RPS6KC1: variants seen among roughly 807,000 people sequenced by gnomAD.
RPS6KC1 encodes the protein inactive ribosomal protein S6 kinase delta-1.
Under a neutral mutation model 103.8 loss-of-function variants are expected in RPS6KC1, and 54 were observed. The observed-to-expected ratio is 0.52, with a 90% CI of 0.42 to 0.65. RPS6KC1 has a LOEUF of 0.65. Among genes scored for constraint, RPS6KC1 ranks in the 30% least tolerant of loss-of-function variants. The probability of loss-of-function intolerance (pLI) is 0.00; values close to 1 mark genes in which losing one functional copy is unlikely to be tolerated. For synonymous variants in RPS6KC1, 439 were observed against 438.7 expected, an observed-to-expected ratio of 1.00 and a Z score of -0.01; for missense variants, 1,151 against 1,253.8, an observed-to-expected ratio of 0.92 and a Z score of 1.24.
the RPS6KC1 span, among the ~76,000 whole-genome samples, chr1:213,541,702 G>A: frequency 6.6e-6 from 1 of 152,192 alleles, no homozygotes; most frequent in African/African-American, 2.4e-5. Flanking sequence ...CATATTCAAG[G>A]AGTGCTGTGT....
At chr1:213,393,459 C>T in the RPS6KC1 span, among the ~76,000 whole-genome samples, 1 of 152,178 alleles carries the variant, frequency 6.6e-6, no homozygotes, top group Non-Finnish European at 1.5e-5. Context: ...AGTTTTTAAT[C>T]TCACTCTTAA....
the RPS6KC1 span, among the ~76,000 whole-genome samples, chr1:213,463,284 G>A: frequency 6.6e-6 from 1 of 152,186 alleles, no homozygotes; most frequent in South Asian, 2.1e-4. Context: ...TCTGGGGCCT[G>A]TCTGCTTGGG....
the RPS6KC1 span, among the ~76,000 whole-genome samples, chr1:213,489,283 T>C: frequency 6.6e-6 from 1 of 152,078 alleles, no homozygotes. Context: ...GTTGGTACCC[T>C]AGGTGTGAAG....
chr1:213,566,109 T>C, the RPS6KC1 span, among the ~76,000 whole-genome samples: 12 of 152,254 alleles, frequency 7.9e-5, no homozygotes, highest in South Asian at 2.3e-3. Flanking sequence ...TGGATAGATA[T>C]GTGATAAAGC....
chr1:213,430,262 A>G, the RPS6KC1 span, among the ~76,000 whole-genome samples: 1 of 152,226 alleles, frequency 6.6e-6, no homozygotes. Flanking sequence ...GAAACTGCCC[A>G]TTTCCAGCAT....
chr1:213,110,744 C>T (rs1056903701), intron 4 of RPS6KC1, among the ~76,000 whole-genome samples: 5 of 151,996 alleles, frequency 3.3e-5, no homozygotes, highest in African/African-American at 1.2e-4. Flanking sequence ...GCCAGGTATT[C>T]GTGGATAGCT....
At chr1:213,522,580 T>C in the RPS6KC1 span, among the ~76,000 whole-genome samples, 2 of 152,260 alleles carry the variant, frequency 1.3e-5, no homozygotes, top group African/African-American at 2.4e-5. Flanking sequence ...CTTATATACA[T>C]TGAAAATCTT....
rs1219124711 is a variant in RPS6KC1 at position 213,262,779 on chromosome 1, A to C, written c.3053A>C (p.Glu1018Ala). ...ACTCACACTACTTTGAACATGCCAG[A>C]ATGTGTCTCTGAAGAGGCTCGCTCA... is the stretch of plus-strand genomic sequence containing the variant. ...INTHTTLNMP[E>A]CVSEEARSLI... Residue 1018 changes from glutamate to alanine, a missense_variant, in exon 14 of 15, where the codon GAA (glutamate) becomes GCA (alanine). This residue lies in a region of RPS6KC1 where 189 missense variants were observed against 228.8 expected (regional missense o/e 0.83). Coordinates refer to ENST00000366960, the MANE Select transcript of RPS6KC1 (RefSeq NM_012424.6). 3.1e-6 allele frequency: 5 copies of C among 1,613,248 alleles called. No homozygotes were observed. The highest frequency in any genetic ancestry group is 2.7e-5 in the African/African-American group (2 of 74,880).
At chr1:213,516,937 C>A in the RPS6KC1 span, among the ~76,000 whole-genome samples, 2 of 152,160 alleles carry the variant, frequency 1.3e-5, no homozygotes, top group Non-Finnish European at 2.9e-5. Context: ...GAGTCAACTT[C>A]TTCCTGGTTT....
In RPS6KC1 at chr1:213,272,603, C is replaced by G. The variant is rs772070565; in HGVS notation, c.3170C>G (p.Thr1057Ser). Residue 1057 changes from threonine to serine, a missense_variant, in exon 15 of 15, where the codon ACC becomes AGC. Coordinates refer to ENST00000366960, the MANE Select transcript of RPS6KC1 (RefSeq NM_012424.6). The part of the protein sequence containing the change: ...VEDIKSHPFF[T>S]PVDWAELMR ...GATATCAAATCTCATCCATTTTTTA[C>G]CCCTGTGGATTGGGCAGAACTGATG... The G allele has an allele frequency of 3.1e-6, 5 of 1,613,544 alleles. No homozygotes were observed. The South Asian group carries it at 5.5e-5, about 18-fold the overall frequency.
intron 12 of RPS6KC1, among the ~76,000 whole-genome samples, chr1:213,250,701 TTTAGTTTATAACTA>T (rs1347951096): frequency 6.6e-6 from 1 of 152,210 alleles, no homozygotes; most frequent in East Asian, 1.9e-4. Flanking sequence ...ACTTTGATGT[TTTAGTTTATAACTA>T]TTAGAGGAGC....
At chr1:213,833,768 G>A in the RPS6KC1 span, among the ~76,000 whole-genome samples, 2 of 152,188 alleles carry the variant, frequency 1.3e-5, no homozygotes, top group African/African-American at 4.8e-5. Context: ...CATGTAGCGG[G>A]CTGGGCTACA....
the RPS6KC1 span, among the ~76,000 whole-genome samples, chr1:213,476,812 T>C: frequency 6.6e-6 from 1 of 152,268 alleles, no homozygotes; most frequent in African/African-American, 2.4e-5. Context: ...TCCAACTAAT[T>C]GAAGGGAAAT....
chr1:213,211,369 A>G (rs2093500217), intron 8 of RPS6KC1, among the ~76,000 whole-genome samples: 1 of 152,186 alleles, frequency 6.6e-6, no homozygotes, highest in Non-Finnish European at 1.5e-5. Context: ...AGACAATCAA[A>G]ATGAGAATGA....
At chr1:213,649,232 C>G in the RPS6KC1 span, among the ~76,000 whole-genome samples, 720 of 150,322 alleles carry the variant, frequency 4.8e-3, 3 homozygotes, top group African/African-American at 0.015. Context: ...TCCTATACAG[C>G]CTATGAGTAC....
chr1:213,445,941 T>G, the RPS6KC1 span, among the ~76,000 whole-genome samples: 7 of 152,188 alleles, frequency 4.6e-5, no homozygotes, highest in Non-Finnish European at 8.8e-5. Context: ...AAGCTGGGCC[T>G]TCCACCCCCA....
chr1:213,551,536 A>G, the RPS6KC1 span, among the ~76,000 whole-genome samples: 1,161 of 152,252 alleles, frequency 7.6e-3, 10 homozygotes, highest in Non-Finnish European at 0.011. Context: ...CAGTACATGT[A>G]TGTATATATA....
chr1:213,792,057 T>C, the RPS6KC1 span, among the ~76,000 whole-genome samples: 1 of 152,188 alleles, frequency 6.6e-6, no homozygotes, highest in Non-Finnish European at 1.5e-5. Context: ...TCACCTGTTT[T>C]GGCCACTAAC....
At chr1:213,289,253 CAAAAAAAAAAA>C in the RPS6KC1 span, among the ~76,000 whole-genome samples, 1 of 77,096 alleles carries the variant, frequency 1.3e-5, no homozygotes, top group African/African-American at 5.2e-5. Flanking sequence ...GTTGGATGCT[CAAAAAAAAAAA>C]AAAAAAAAAA....
Sources: gnomAD v4.1 joint callset for allele counts (sites outside exome capture counted in the v4.1 genomes callset) on GRCh38, gnomAD v4.1.1 for gene constraint, gnomAD v4.1.1 regional missense constraint, MANE v1.5 for transcripts, NCBI Gene and HGNC (gene_info 2026-07-23, HGNC 2026-07-21) for gene names.